RGS7: variants seen among roughly 807,000 people sequenced by gnomAD.
The protein encoded by RGS7 is regulator of G protein signaling 7.
RGS7 carries 27 observed loss-of-function variants against 81.1 expected under a neutral mutation model. The ratio of observed to expected loss-of-function variants is 0.33; its 90% CI spans 0.25 to 0.46. The LOEUF (loss-of-function observed/expected upper bound fraction) is 0.46. Ranked by LOEUF, RGS7 falls within the 20% of genes least tolerant of loss-of-function variation. The pLI is 1.00. For synonymous variants in RGS7, 208 were observed against 207.7 expected (o/e 1.00, Z -0.01); for missense variants, 396 against 607.4 (o/e 0.65, Z 3.66).
Position 240,840,422 on chromosome 1 carries a change from C to A in RGS7, c.610-13250G>T, listed in dbSNP as rs751103979. 3.9e-5 allele frequency among the ~76,000 whole-genome samples: 6 copies of A among 152,058 alleles called. No individual in the cohort carries two copies. The South Asian group carries it at 8.3e-4, about 21-fold the overall frequency. ...CCGAGTAGCTGGGACTACAGGCATG[C>A]GCCACCATGCCAGCTAATTTTTGTA... On this transcript the variant is annotated intron_variant, in intron 9 of 18. Coordinates refer to ENST00000440928, the MANE Select transcript of RGS7 (RefSeq NM_001364886.1).
chr1:240,807,753 G>A (rs1472734846), intron 14 of RGS7, among the ~76,000 whole-genome samples: 1 of 152,126 alleles, frequency 6.6e-6, no homozygotes, highest in African/African-American at 2.4e-5. Context: ...TACTATGCGA[G>A]GCTGGGCATG....
chr1:241,197,883 T>C (rs551279236), intron 2 of RGS7, among the ~76,000 whole-genome samples: 1 of 151,196 alleles, frequency 6.6e-6, no homozygotes, highest in African/African-American at 2.4e-5. Flanking sequence ...ATTCAAAACA[T>C]TACTACTGTA....
rs1572245224 is a variant in RGS7, at chr1:241,009,935, C to T, written c.176-26806G>A. ...CATTCTCAGTAAACTATCACAAGGA[C>T]AGAAAACCAAACACCGCATGTTCTC... On this transcript the variant is annotated intron_variant, in intron 3 of 18. Coordinates refer to ENST00000440928, the MANE Select transcript of RGS7 (RefSeq NM_001364886.1). Among the ~76,000 whole-genome samples, 3 of 152,132 alleles carry T rather than the reference C, an allele frequency of 2.0e-5. No homozygotes were observed. The East Asian group carries it at 5.8e-4, about 29-fold the overall frequency.
chr1:240,902,418 T>A (rs1029266427), intron 6 of RGS7, among the ~76,000 whole-genome samples: 2 of 152,196 alleles, frequency 1.3e-5, no homozygotes, highest in Non-Finnish European at 2.9e-5. Context: ...TTTCTCTTTT[T>A]TTCTGGAGTA....
intron 2 of RGS7, among the ~76,000 whole-genome samples, chr1:241,207,159 G>A (rs1480958684): frequency 6.6e-6 from 1 of 150,976 alleles, no homozygotes; most frequent in Non-Finnish European, 1.5e-5. Context: ...AGTAGAGACG[G>A]GGTTTCACCG....
intron 2 of RGS7, among the ~76,000 whole-genome samples, chr1:241,185,248 T>G (rs2071989932): frequency 6.6e-6 from 1 of 152,160 alleles, no homozygotes; most frequent in Admixed American, 6.5e-5. Flanking sequence ...AAACAGAAAT[T>G]TCTATTGTTT....
rs1026396368 is a variant in RGS7 at position 241,164,027 on chromosome 1, G to A, written c.79-65265C>T. Among the ~76,000 whole-genome samples, 1 of 152,102 alleles carries A rather than the reference G, an allele frequency of 6.6e-6. No individual in the cohort carries two copies. Among genetic ancestry groups the A allele is most frequent in the Non-Finnish European group, 1.5e-5 (1 of 68,028 alleles). Reference sequence around the variant, plus strand: ...ACCTGTGCTTCTGACAGACCAGCTGGAAATTAGAGATCCCATGATCCCCTG... The same window carrying A: ...ACCTGTGCTTCTGACAGACCAGCTGAAAATTAGAGATCCCATGATCCCCTG... On this transcript the variant is annotated intron_variant, in intron 2 of 18. Transcript: ENST00000440928. The surrounding 1 kb of genome is among the most constrained non-coding windows in gnomAD (Gnocchi z 4.1).
intron 2 of RGS7, among the ~76,000 whole-genome samples, chr1:241,299,699 T>C (rs1278063009): frequency 6.6e-6 from 1 of 151,850 alleles, no homozygotes; most frequent in Non-Finnish European, 1.5e-5. Context: ...TATTTGCAAA[T>C]CAATAGATAA....
intron 2 of RGS7, among the ~76,000 whole-genome samples, chr1:241,344,553 C>T (rs61827966): frequency 0.22 from 33,426 of 152,090 alleles, 4,453 homozygotes; most frequent in African/African-American, 0.38. Context: ...ACTGGATTCA[C>T]GTTAAGTGCA....
At chr1:241,300,116 A>C (rs1317403398) in intron 2 of RGS7, among the ~76,000 whole-genome samples, 1 of 149,236 alleles carries the variant, frequency 6.7e-6, no homozygotes, top group Non-Finnish European at 1.5e-5. Flanking sequence ...CCATGTCTCA[A>C]AAAAAAAAAG....
intron 2 of RGS7, among the ~76,000 whole-genome samples, chr1:241,220,931 AAAGG>A (rs1265025321): frequency 2.7e-5 from 4 of 146,584 alleles, no homozygotes; most frequent in Non-Finnish European, 4.5e-5. Context: ...AGAAAGGAAG[AAAGG>A]AAGGAAGGAA....
chr1:241,002,084 G>A (rs571883371), intron 3 of RGS7, among the ~76,000 whole-genome samples: 19 of 152,162 alleles, frequency 1.2e-4, no homozygotes, highest in Non-Finnish European at 2.2e-4. Context: ...AGAGTAAGAG[G>A]TATACAGGAA....
In RGS7 at chr1:241,354,873, G is replaced by T. The variant is rs375014243; in HGVS notation, c.78+826C>A. The stretch of plus-strand genomic sequence containing the variant: ...ATCATCTATAAAATGCAATAAAAAT[G>T]ATTGGGGCAGAAGAACACTGCATCC... On this transcript the variant is annotated intron_variant, in intron 2 of 18. Transcript: ENST00000440928. Among the ~76,000 whole-genome samples the T allele has an allele frequency of 9.9e-5, 15 of 152,278 alleles. No individual in the cohort carries two copies. In the East Asian group the frequency reaches 2.3e-3, roughly 24 times the overall value.
intron 2 of RGS7, among the ~76,000 whole-genome samples, chr1:241,243,725 AC>A (rs1439515937): frequency 6.6e-6 from 1 of 152,196 alleles, no homozygotes; most frequent in African/African-American, 2.4e-5. Context: ...TGTTTCAGAT[AC>A]CTACTAAACA....
chr1:240,782,110 A>C (rs543310560), intron 18 of RGS7, among the ~76,000 whole-genome samples: 2 of 152,252 alleles, frequency 1.3e-5, no homozygotes, highest in South Asian at 4.1e-4. Context: ...TTACACTTGG[A>C]TCTATTTGTA....
At chr1:241,096,292 A>G (rs2064254161) in intron 3 of RGS7, among the ~76,000 whole-genome samples, 1 of 152,172 alleles carries the variant, frequency 6.6e-6, no homozygotes, top group Non-Finnish European at 1.5e-5. Context: ...CACAGATTAT[A>G]AGAAAAATCT....
chr1:241,184,743 G>C (rs1471871266), intron 2 of RGS7, among the ~76,000 whole-genome samples: 3 of 151,838 alleles, frequency 2.0e-5, no homozygotes, highest in Non-Finnish European at 4.4e-5. Flanking sequence ...CATTATGAAC[G>C]TGCAAACATT....
intron 6 of RGS7, among the ~76,000 whole-genome samples, chr1:240,870,980 C>T (rs1400441804): frequency 6.6e-6 from 1 of 152,114 alleles, no homozygotes; most frequent in Non-Finnish European, 1.5e-5. Flanking sequence ...GAGTCGATGG[C>T]CTGGGCTACC....
At chr1:240,799,798 G>C (rs1010204242) in intron 18 of RGS7, among the ~76,000 whole-genome samples, 10 of 152,206 alleles carry the variant, frequency 6.6e-5, no homozygotes, top group Admixed American at 6.5e-4. Context: ...ACATGGTTTA[G>C]AATAGAGGTG....
Sources: allele counts gnomAD v4.1 joint callset (sites outside exome capture counted in the v4.1 genomes callset), GRCh38; gene constraint gnomAD v4.1.1; non-coding constraint Gnocchi (gnomAD v3.1); transcripts MANE v1.5; gene names NCBI Gene and HGNC (gene_info 2026-07-23, HGNC 2026-07-21).